The following ZYG11B variants were observed in gnomAD, a reference collection of about 807,000 sequenced individuals.
ZYG11B encodes the protein protein zyg-11 homolog B.
A neutral mutation model predicts 82.4 loss-of-function variants in ZYG11B; 36 were observed. The observed-to-expected ratio is 0.44, with a 90% CI of 0.33 to 0.58. The LOEUF is 0.58. Ranked by LOEUF, ZYG11B falls within the 20% of genes least tolerant of loss-of-function variation. The probability of loss-of-function intolerance (pLI) is 0.02; values close to 1 mark genes in which losing one functional copy is unlikely to be tolerated. For missense variants in ZYG11B, 552 were observed against 895.6 expected (o/e 0.62, Z 4.90); for synonymous variants, 303 against 312.8 (o/e 0.97, Z 0.33).
intron 1 of ZYG11B, among the ~76,000 whole-genome samples, chr1:52,728,387 G>A (rs115447387): frequency 0.025 from 3,748 of 152,274 alleles, 106 homozygotes; most frequent in East Asian, 0.15. Flanking sequence ...CTCACAAGTA[G>A]CTGGTACCAC....
At chr1:52,820,210 A>G (rs1235654114) in intron 13 of ZYG11B, among the ~76,000 whole-genome samples, 1 of 151,066 alleles carries the variant, frequency 6.6e-6, no homozygotes, top group Non-Finnish European at 1.5e-5. Flanking sequence ...CACCACGCCC[A>G]GCCCCTGAAT....
chr1:52,754,062 A>G (rs925215021), intron 1 of ZYG11B, among the ~76,000 whole-genome samples: 2 of 147,244 alleles, frequency 1.4e-5, no homozygotes, highest in African/African-American at 5.0e-5. Context: ...GTCTGGCTCT[A>G]TTGCCCAGGC....
intron 2 of ZYG11B, among the ~76,000 whole-genome samples, chr1:52,763,337 A>G (rs1004003551): frequency 2.0e-5 from 3 of 152,206 alleles, no homozygotes; most frequent in Non-Finnish European, 2.9e-5. Flanking sequence ...TGAAAAAGTC[A>G]TTGGTATTTT....
intron 2 of ZYG11B, among the ~76,000 whole-genome samples, chr1:52,769,793 T>G (rs1644730589): frequency 1.3e-5 from 2 of 152,110 alleles, no homozygotes. Flanking sequence ...CGCCTTAGAG[T>G]TCCTCTCATG....
chr1:52,772,700 C>T (rs995627920), intron 3 of ZYG11B: 56 of 704,802 alleles, frequency 7.9e-5, no homozygotes, highest in Non-Finnish European at 1.1e-4. Flanking sequence ...TCTTTTGAGA[C>T]GGAGTCTTGC....
At chr1:52,776,390 C>T (rs569504771) in intron 3 of ZYG11B, among the ~76,000 whole-genome samples, 99 of 149,746 alleles carry the variant, frequency 6.6e-4, no homozygotes, top group African/African-American at 1.6e-3. Flanking sequence ...AAAATTTAGC[C>T]GGGCATGGTG....
intron 1 of ZYG11B, chr1:52,754,434 TGCAATGGC>T (rs1414129667): frequency 6.6e-6 from 1 of 151,866 alleles, no homozygotes; most frequent in Non-Finnish European, 1.5e-5. Flanking sequence ...CAGGCTGGAG[TGCAATGGC>T]GCAATCTCAG....
chr1:52,735,895 A>G (rs1012323126), intron 1 of ZYG11B, among the ~76,000 whole-genome samples: 2 of 152,176 alleles, frequency 1.3e-5, no homozygotes, highest in African/African-American at 4.8e-5. Flanking sequence ...GGACAGTAAC[A>G]TACTTTCAGA....
chr1:52,732,738 C>G (rs1644343388), intron 1 of ZYG11B, among the ~76,000 whole-genome samples: 1 of 151,846 alleles, frequency 6.6e-6, no homozygotes, highest in Non-Finnish European at 1.5e-5. Flanking sequence ...GCACTCCAGC[C>G]TGGCGACAGA....
intron 1 of ZYG11B, among the ~76,000 whole-genome samples, chr1:52,742,006 G>A (rs1571743373): frequency 6.6e-6 from 1 of 152,036 alleles, no homozygotes; most frequent in African/African-American, 2.4e-5. Context: ...TTAAATTGTC[G>A]AGTTTGTAAT....
chr1:52,772,424 A>G, intron 3 of ZYG11B: 2 of 1,558,862 alleles, frequency 1.3e-6, no homozygotes, highest in South Asian at 2.2e-5. Flanking sequence ...CCTTAGACTT[A>G]AGAATTCTTA....
chr1:52,753,875 C>T (rs1644548074), intron 1 of ZYG11B, among the ~76,000 whole-genome samples: 1 of 152,046 alleles, frequency 6.6e-6, no homozygotes, highest in Non-Finnish European at 1.5e-5. Context: ...GGATTACAGG[C>T]GTAAGCCACT....
Position 52,823,993 on chromosome 1 carries a change from T to C in ZYG11B, c.*2364T>C, listed in dbSNP as rs1163303409. On this transcript the variant is annotated 3_prime_UTR_variant, in exon 14 of 14. Coordinates refer to ENST00000294353, the MANE Select transcript of ZYG11B (RefSeq NM_024646.3). Reference sequence around the variant, plus strand: ...TAAAAATACAAAAACTAGCTGGGCATGGTGGCTTTTTTGCACGCCTATAGT... The same window carrying C: ...TAAAAATACAAAAACTAGCTGGGCACGGTGGCTTTTTTGCACGCCTATAGT... 6.6e-6 allele frequency: 1 copy of C among 152,128 alleles called. No individual in the cohort carries two copies. Among genetic ancestry groups the C allele is most frequent in the East Asian group, 1.9e-4 (1 of 5,174 alleles). The allele number at this position is 152,128 out of a possible 1,614,324, so 9.4% of individuals were successfully genotyped here.
At chr1:52,765,777 A>G (rs1470496712) in intron 2 of ZYG11B, among the ~76,000 whole-genome samples, 2 of 152,222 alleles carry the variant, frequency 1.3e-5, no homozygotes, top group African/African-American at 2.4e-5. Context: ...TACTGGGATT[A>G]TAAGCATGAG....
At chr1:52,766,084 AT>A (rs1264561264) in intron 2 of ZYG11B, among the ~76,000 whole-genome samples, 1 of 134,476 alleles carries the variant, frequency 7.4e-6, no homozygotes, top group African/African-American at 2.7e-5. Context: ...GTCTGTTTTC[AT>A]TTTTTTCTTT....
intron 10 of ZYG11B, among the ~76,000 whole-genome samples, chr1:52,802,916 A>G (rs1206817458): frequency 1.3e-5 from 2 of 151,070 alleles, no homozygotes; most frequent in African/African-American, 4.9e-5. Flanking sequence ...GTTACTCCGG[A>G]GGCTGAGGCA....
At chr1:52,742,542 C>T (rs1286158537) in intron 1 of ZYG11B, among the ~76,000 whole-genome samples, 2 of 151,924 alleles carry the variant, frequency 1.3e-5, no homozygotes, top group Non-Finnish European at 2.9e-5. Flanking sequence ...TGTTTTGTTA[C>T]TTCAAGAGTC....
intron 10 of ZYG11B, among the ~76,000 whole-genome samples, chr1:52,806,275 G>A (rs1032196820): frequency 1.3e-5 from 2 of 152,116 alleles, no homozygotes; most frequent in Admixed American, 1.3e-4. Flanking sequence ...ATGACAATCA[G>A]GTCACTGATT....
At chr1:52,734,989 A>G (rs1046551993) in intron 1 of ZYG11B, among the ~76,000 whole-genome samples, 4 of 150,708 alleles carry the variant, frequency 2.7e-5, no homozygotes, top group African/African-American at 9.8e-5. Context: ...TTGGCTTCCC[A>G]AAGTTTTGGG....
Sources: gnomAD v4.1 joint callset for allele counts (sites outside exome capture counted in the v4.1 genomes callset) on GRCh38, gnomAD v4.1.1 for gene constraint, MANE v1.5 for transcripts, NCBI Gene and HGNC (gene_info 2026-07-23, HGNC 2026-07-21) for gene names.